KLRD1: variants seen among roughly 807,000 people sequenced by gnomAD.
KLRD1 encodes natural killer cells antigen CD94.
KLRD1 carries 21 observed loss-of-function variants against 22.6 expected under a neutral mutation model. That is an observed-to-expected ratio of 0.93 (90% CI 0.66 to 1.34). The LOEUF (loss-of-function observed/expected upper bound fraction) is 1.34. Among genes scored for constraint, KLRD1 ranks in the 40% most tolerant of loss-of-function variants. The pLI is 0.00. For synonymous variants in KLRD1, 59 were observed against 71.1 expected (o/e 0.83, Z 0.85); for missense variants, 183 against 208.6 (o/e 0.88, Z 0.76).
At chr12:10,276,213 A>C (rs1309596986) in intron 1 of KLRD1, among the ~76,000 whole-genome samples, 1 of 152,156 alleles carries the variant, frequency 6.6e-6, no homozygotes, top group Non-Finnish European at 1.5e-5. Context: ...TATTATAAAT[A>C]ATAGTCCTTG....
intron 1 of KLRD1, among the ~76,000 whole-genome samples, chr12:10,244,805 A>AC (rs71049074): frequency 0.75 from 114,253 of 151,654 alleles, 43,548 homozygotes; most frequent in East Asian, 1. Context: ...AAACAAACAA[A>AC]AAAAAAACCA....
chr12:10,286,661 G>GTTTTTTTTTTTTTT (rs1565459881), intron 1 of KLRD1, among the ~76,000 whole-genome samples: 1 of 49,318 alleles, frequency 2.0e-5, no homozygotes. Flanking sequence ...CGCTTATGGT[G>GTTTTTTTTTTTTTT]CTTTTTTTTT....
chr12:10,245,819 T>A (rs1032709533), intron 1 of KLRD1, among the ~76,000 whole-genome samples: 1 of 152,162 alleles, frequency 6.6e-6, no homozygotes, highest in African/African-American at 2.4e-5. Context: ...TTAAGAAACA[T>A]TTATTTTACT....
upstream of KLRD1, among the ~76,000 whole-genome samples, chr12:10,306,708 T>C (rs1349844347): frequency 6.6e-6 from 1 of 152,210 alleles, no homozygotes; most frequent in Non-Finnish European, 1.5e-5. Flanking sequence ...ACAGTCTGGA[T>C]GAAGTAGATT....
chr12:10,316,045 G>A lies in KLRD1; in HGVS notation c.*1252G>A, dbSNP rs927579496. The stretch of plus-strand genomic sequence containing the variant: ...AGTCGAGAGGATCGCTTGAACCTAG[G>A]AGGTGGAGGTTGCAGTGAGTCGAGA... On this transcript the variant is annotated 3_prime_UTR_variant, in exon 6 of 6. Coordinates refer to ENST00000336164, the MANE Select transcript of KLRD1 (RefSeq NM_002262.5). 1.3e-5 allele frequency: 2 copies of A among 149,180 alleles called. No individual in the cohort carries two copies. The highest frequency in any genetic ancestry group is 3.0e-5 in the Non-Finnish European group (2 of 67,728). 9.2% of individuals were successfully genotyped at this position (149,180 alleles called of 1,614,324 possible). A position where few individuals can be genotyped will look rare whatever the true frequency, so the allele number is the denominator to read the frequency against.
Position 10,308,085 on chromosome 12 carries a change from G to A in KLRD1, c.7+1G>A. The A allele has an allele frequency of 6.2e-7, 1 of 1,612,242 alleles. No homozygotes were observed. Among genetic ancestry groups the A allele is most frequent in the South Asian group, 1.1e-5 (1 of 91,024 alleles). On this transcript the variant is annotated splice_donor_variant, in intron 1 of 5. Coordinates refer to ENST00000336164, the MANE Select transcript of KLRD1 (RefSeq NM_002262.5). LOFTEE classifies it high-confidence loss of function. ...CTTGGAACATAATTTCTCATGGCAG[G>A]TATGTGTGATTTCAGTCACTAAATT...
intron 1 of KLRD1, among the ~76,000 whole-genome samples, chr12:10,249,383 A>G (rs1949323961): frequency 6.6e-6 from 1 of 152,244 alleles, no homozygotes; most frequent in Non-Finnish European, 1.5e-5. Context: ...ACAACAGTTA[A>G]CAATGCTTTC....
chr12:10,276,790 C>G (rs942462902), intron 1 of KLRD1, among the ~76,000 whole-genome samples: 1 of 151,948 alleles, frequency 6.6e-6, no homozygotes, highest in Non-Finnish European at 1.5e-5. Flanking sequence ...GAAGTTTGAC[C>G]TCTATCCTCA....
At chr12:10,260,424 A>G (rs1383308576) in intron 1 of KLRD1, among the ~76,000 whole-genome samples, 1 of 151,880 alleles carries the variant, frequency 6.6e-6, no homozygotes, top group African/African-American at 2.4e-5. Flanking sequence ...CTTTGATAGT[A>G]TGTAGTTTGA....
At position 10,327,308 on chromosome 12, in the gene KLRD1, T is replaced by G. The variant is rs371584312; in HGVS notation, c.*12515T>G. 3 of 152,228 alleles carry G rather than the reference T, an allele frequency of 2.0e-5. No homozygotes were observed. Among genetic ancestry groups the G allele is most frequent in the East Asian group, 3.8e-4 (2 of 5,204 alleles). The allele number at this position is 152,228 out of a possible 1,614,324, so 9.4% of individuals were successfully genotyped here. A position where few individuals can be genotyped will look rare whatever the true frequency, so the allele number is the denominator to read the frequency against. On this transcript the variant is annotated 3_prime_UTR_variant, in exon 6 of 6. Coordinates refer to ENST00000336164, the MANE Select transcript of KLRD1 (RefSeq NM_002262.5). Reference sequence around the variant, plus strand: ...TCAATTATTGTAGCTTTGTAATATATTTTGATATCAGGAAGTTTGAGGCCT... The same window carrying G: ...TCAATTATTGTAGCTTTGTAATATAGTTTGATATCAGGAAGTTTGAGGCCT...
intron 1 of KLRD1, among the ~76,000 whole-genome samples, chr12:10,276,355 T>G (rs1337698195): frequency 1.3e-5 from 2 of 152,174 alleles, no homozygotes; most frequent in African/African-American, 4.8e-5. Flanking sequence ...TGGGTATAAA[T>G]GTTTATAAAT....
chr12:10,300,225 A>T (rs1204783925), upstream of KLRD1, among the ~76,000 whole-genome samples: 1 of 152,214 alleles, frequency 6.6e-6, no homozygotes, highest in African/African-American at 2.4e-5. Context: ...CCATCAGAGG[A>T]ATCCCTATCT....
chr12:10,312,943 T>TC (rs1447761832), intron 4 of KLRD1, among the ~76,000 whole-genome samples: 1 of 150,938 alleles, frequency 6.6e-6, no homozygotes, highest in African/African-American at 2.4e-5. Context: ...GCTGAGATCG[T>TC]CCCACTGCAC....
At chr12:10,270,341 T>G (rs1025638941) in intron 1 of KLRD1, among the ~76,000 whole-genome samples, 2 of 152,214 alleles carry the variant, frequency 1.3e-5, no homozygotes, top group African/African-American at 4.8e-5. Context: ...TTAATGAAGT[T>G]GCTCTAAAAA....
chr12:10,294,943 C>G (rs1423541167), intron 1 of KLRD1, among the ~76,000 whole-genome samples: 1 of 152,096 alleles, frequency 6.6e-6, no homozygotes, highest in Non-Finnish European at 1.5e-5. Context: ...GGTTAGAGGT[C>G]AAGACAGCGC....
At chr12:10,303,590 C>T (rs564587295), upstream of KLRD1, among the ~76,000 whole-genome samples, 22 of 152,252 alleles carry the variant, frequency 1.4e-4, no homozygotes, top group Admixed American at 6.5e-4. Flanking sequence ...GGCAGCTTTT[C>T]ACATGACCTA....
intron 1 of KLRD1, among the ~76,000 whole-genome samples, chr12:10,248,950 T>C (rs1209720796): frequency 6.6e-6 from 1 of 152,112 alleles, no homozygotes; most frequent in Non-Finnish European, 1.5e-5. Context: ...TTGAATCATA[T>C]GCTTAGATAG....
intron 1 of KLRD1, among the ~76,000 whole-genome samples, chr12:10,259,021 A>G (rs1013361110): frequency 6.6e-6 from 1 of 152,184 alleles, no homozygotes; most frequent in African/African-American, 2.4e-5. Flanking sequence ...GTTGATGGGA[A>G]AGAGAAACAC....
chr12:10,286,201 G>A (rs960486039), intron 1 of KLRD1, among the ~76,000 whole-genome samples: 1 of 152,154 alleles, frequency 6.6e-6, no homozygotes, highest in African/African-American at 2.4e-5. Context: ...CACATAAAGT[G>A]TACTGATGAC....
Sources: gnomAD v4.1 joint callset for allele counts (sites outside exome capture counted in the v4.1 genomes callset) on GRCh38, gnomAD v4.1.1 for gene constraint, MANE v1.5 for transcripts, NCBI Gene and HGNC (gene_info 2026-07-23, HGNC 2026-07-21) for gene names.